The following PLCB1 variants were observed in gnomAD, a reference collection of about 807,000 sequenced individuals.
The protein encoded by PLCB1 is phospholipase C beta 1.
Under a neutral mutation model 161.8 loss-of-function variants are expected in PLCB1, and 46 were observed. The observed-to-expected ratio is 0.28, with a 90% CI of 0.22 to 0.36. The LOEUF (loss-of-function observed/expected upper bound fraction) is 0.36. PLCB1 is among the 10% of genes least tolerant of loss of function. The pLI is 1.00. For missense variants in PLCB1, 1,016 were observed against 1,472.5 expected, an observed-to-expected ratio of 0.69 and a Z score of 5.07; for synonymous variants, 517 against 503.7, an observed-to-expected ratio of 1.03 and a Z score of -0.35.
At chr20:8,295,203 G>C (rs1455717151) in intron 2 of PLCB1, among the ~76,000 whole-genome samples, 2 of 152,126 alleles carry the variant, frequency 1.3e-5, no homozygotes, top group African/African-American at 4.8e-5. Context: ...AGAATATATA[G>C]GTCAAGGCAA....
chr20:8,233,335 G>A (rs80251333), intron 2 of PLCB1, among the ~76,000 whole-genome samples: 257 of 152,228 alleles, frequency 1.7e-3, no homozygotes, highest in African/African-American at 5.8e-3. Flanking sequence ...CACAGATAAG[G>A]GGGAAATCAG....
At chr20:8,709,936 T>A (rs1329284666) in intron 12 of PLCB1, among the ~76,000 whole-genome samples, 2 of 152,206 alleles carry the variant, frequency 1.3e-5, no homozygotes, top group Non-Finnish European at 2.9e-5. Context: ...AGAAGCAGTA[T>A]TTAATACCTA....
chr20:8,176,675 T>C (rs2123079569), intron 2 of PLCB1, among the ~76,000 whole-genome samples: 1 of 152,240 alleles, frequency 6.6e-6, no homozygotes, highest in South Asian at 2.1e-4. Context: ...TGAATTAGAT[T>C]AATAGATTGT....
chr20:8,585,168 C>T, intron 3 of PLCB1, among the ~76,000 whole-genome samples: 1 of 152,178 alleles, frequency 6.6e-6, no homozygotes, highest in East Asian at 1.9e-4. Flanking sequence ...GCTTCCAAGA[C>T]TCTCAGTATT....
intron 3 of PLCB1, among the ~76,000 whole-genome samples, chr20:8,444,497 C>T (rs1184399322): frequency 8.6e-5 from 13 of 152,042 alleles, no homozygotes; most frequent in Non-Finnish European, 1.2e-4. Context: ...TGAATAGTGC[C>T]GCAATAAACA....
At chr20:8,624,615 G>T (rs146739476) in intron 3 of PLCB1, among the ~76,000 whole-genome samples, 158 of 152,130 alleles carry the variant, frequency 1.0e-3, no homozygotes, top group Non-Finnish European at 1.9e-3. Flanking sequence ...TGCTGTAATT[G>T]AGTCCTTGCT....
chr20:8,545,511 A>G (rs1331953038), intron 3 of PLCB1, among the ~76,000 whole-genome samples: 1 of 152,226 alleles, frequency 6.6e-6, no homozygotes, highest in African/African-American at 2.4e-5. Context: ...TAGGAAGGCC[A>G]ATTAAAAACT....
intron 3 of PLCB1, among the ~76,000 whole-genome samples, chr20:8,512,147 C>T (rs1037165314): frequency 2.6e-5 from 4 of 152,100 alleles, no homozygotes; most frequent in African/African-American, 9.7e-5. Context: ...TCATTCTTTT[C>T]GCATTAAAAC....
intron 9 of PLCB1, among the ~76,000 whole-genome samples, chr20:8,662,480 A>T (rs1191501974): frequency 7.1e-6 from 1 of 140,308 alleles, no homozygotes; most frequent in Non-Finnish European, 1.5e-5. Flanking sequence ...TATAATATAT[A>T]TATAATTTTT....
intron 11 of PLCB1, among the ~76,000 whole-genome samples, chr20:8,707,689 T>G (rs112170625): frequency 6.6e-6 from 1 of 152,100 alleles, no homozygotes; most frequent in African/African-American, 2.4e-5. Context: ...AGGGAAAAAA[T>G]GAAGCTGTTC....
At chr20:8,135,733 A>G (rs2051338865) in intron 1 of PLCB1, among the ~76,000 whole-genome samples, 3 of 152,136 alleles carry the variant, frequency 2.0e-5, no homozygotes, top group Admixed American at 2.0e-4. Flanking sequence ...ACTTGGCATG[A>G]AGATAAAGGA....
At chr20:8,833,979 G>A (rs1156635970) in intron 31 of PLCB1, among the ~76,000 whole-genome samples, 1 of 151,456 alleles carries the variant, frequency 6.6e-6, no homozygotes, top group Non-Finnish European at 1.5e-5. Context: ...AATCTTCAGA[G>A]CTCAGAAAAA....
intron 12 of PLCB1, chr20:8,715,965 C>T (rs921917147): frequency 9.1e-6 from 3 of 330,998 alleles, no homozygotes; most frequent in Non-Finnish European, 1.7e-5. Flanking sequence ...AGGGACTGAG[C>T]CTCTAACTCT....
intron 13 of PLCB1, 38 bp downstream of exon 13, chr20:8,716,386 G>A (rs1269333330): frequency 7.0e-7 from 1 of 1,421,530 alleles, no homozygotes; most frequent in South Asian, 1.2e-5. Flanking sequence ...AGGAATGTAT[G>A]CATTATTGAT....
At chr20:8,249,652 GT>G (rs1981043917) in intron 2 of PLCB1, 1 of 151,848 alleles carries the variant, frequency 6.6e-6, no homozygotes, top group Non-Finnish European at 1.5e-5. Flanking sequence ...CCTTTGCTCT[GT>G]GCTTCCTGGT....
At chr20:8,493,330 G>C (rs778445082) in intron 3 of PLCB1, among the ~76,000 whole-genome samples, 22 of 152,122 alleles carry the variant, frequency 1.4e-4, no homozygotes, top group Non-Finnish European at 3.1e-4. Flanking sequence ...AAAATAATTT[G>C]AGTTTAGAGC....
intron 26 of PLCB1, among the ~76,000 whole-genome samples, chr20:8,769,918 T>A (rs1411109307): frequency 6.6e-6 from 1 of 152,196 alleles, no homozygotes; most frequent in Non-Finnish European, 1.5e-5. Context: ...AACCTAATAC[T>A]TGGGCTTTAA....
At chr20:8,460,999 G>A (rs554863453) in intron 3 of PLCB1, among the ~76,000 whole-genome samples, 63 of 152,278 alleles carry the variant, frequency 4.1e-4, no homozygotes, top group Middle Eastern at 3.4e-3. Flanking sequence ...CCACTTGCCC[G>A]ATGTGGTTAA....
At chr20:8,605,181 A>G (rs917688970) in intron 3 of PLCB1, among the ~76,000 whole-genome samples, 63 of 152,300 alleles carry the variant, frequency 4.1e-4, no homozygotes, top group African/African-American at 1.5e-3. Flanking sequence ...AATCTGTTGT[A>G]TCTTGTGAGA....
Sources: gnomAD v4.1 joint callset for allele counts (sites outside exome capture counted in the v4.1 genomes callset) on GRCh38, gnomAD v4.1.1 for gene constraint, MANE v1.5 for transcripts, NCBI Gene and HGNC (gene_info 2026-07-23, HGNC 2026-07-21) for gene names.